Variants in GRIK1 observed in about 807,000 individuals in gnomAD.
GRIK1 encodes the protein glutamate receptor ionotropic, kainate 1.
A neutral mutation model predicts 105.7 loss-of-function variants in GRIK1; 69 were observed. That is an observed-to-expected ratio of 0.65 (90% CI 0.54 to 0.80). The LOEUF (loss-of-function observed/expected upper bound fraction) is 0.80. GRIK1 is among the 30% of genes least tolerant of loss of function. The pLI is 0.00. For synonymous variants in GRIK1, 438 were observed against 431.3 expected (o/e 1.02, Z -0.19); for missense variants, 1,109 against 1,167.3 (o/e 0.95, Z 0.73).
At chr21:29,669,850 TC>T (rs2063130906) in intron 4 of GRIK1, among the ~76,000 whole-genome samples, 2 of 152,022 alleles carry the variant, frequency 1.3e-5, no homozygotes, top group Non-Finnish European at 2.9e-5. Context: ...AACTCCTGAG[TC>T]CTCAGCCTCC....
intron 1 of GRIK1, among the ~76,000 whole-genome samples, chr21:29,869,788 A>T (rs1254620782): frequency 6.6e-6 from 1 of 152,192 alleles, no homozygotes; most frequent in Non-Finnish European, 1.5e-5. Flanking sequence ...AACAAACATT[A>T]AAAAATCTAT....
chr21:29,844,128 T>G (rs1260523831), intron 1 of GRIK1, among the ~76,000 whole-genome samples: 1 of 152,210 alleles, frequency 6.6e-6, no homozygotes, highest in African/African-American at 2.4e-5. Context: ...ATGTTTGCTG[T>G]AATAGATATC....
chr21:29,791,951 A>G (rs2066429950), intron 1 of GRIK1, among the ~76,000 whole-genome samples: 1 of 152,198 alleles, frequency 6.6e-6, no homozygotes, highest in Non-Finnish European at 1.5e-5. Flanking sequence ...AGGTGCAAAT[A>G]AGAATGTTTG....
At chr21:29,787,238 C>T (rs1219022054) in intron 1 of GRIK1, among the ~76,000 whole-genome samples, 2 of 152,176 alleles carry the variant, frequency 1.3e-5, no homozygotes, top group African/African-American at 4.8e-5. Flanking sequence ...TGTTAGAATG[C>T]CATGTCCTTT....
At chr21:29,726,011 G>A (rs2064448699) in intron 1 of GRIK1, among the ~76,000 whole-genome samples, 1 of 152,130 alleles carries the variant, frequency 6.6e-6, no homozygotes, top group Non-Finnish European at 1.5e-5. Flanking sequence ...TGGTTCAGGT[G>A]GAAAGACAGA....
At chr21:29,683,587 C>T (rs2063423317) in intron 3 of GRIK1, among the ~76,000 whole-genome samples, 1 of 152,084 alleles carries the variant, frequency 6.6e-6, no homozygotes, top group Non-Finnish European at 1.5e-5. Flanking sequence ...TACACGTGGA[C>T]ATAAAGATGG....
At chr21:29,704,661 C>G (rs193151615) in intron 1 of GRIK1, among the ~76,000 whole-genome samples, 2 of 152,158 alleles carry the variant, frequency 1.3e-5, no homozygotes, top group Non-Finnish European at 2.9e-5. Context: ...CTTTGAGATA[C>G]GTAGGAAAGA....
chr21:29,833,630 C>A (rs1157645897), intron 1 of GRIK1, among the ~76,000 whole-genome samples: 2 of 152,150 alleles, frequency 1.3e-5, no homozygotes, highest in South Asian at 2.1e-4. Context: ...CTCATGAGAA[C>A]TCACTCACTG....
intron 7 of GRIK1, among the ~76,000 whole-genome samples, chr21:29,603,348 A>G (rs2061553901): frequency 2.6e-5 from 4 of 152,014 alleles, no homozygotes. Context: ...ACATAAAAAG[A>G]AATACTTCTT....
intron 1 of GRIK1, among the ~76,000 whole-genome samples, chr21:29,883,271 G>A (rs572022542): frequency 6.6e-6 from 1 of 152,148 alleles, no homozygotes; most frequent in South Asian, 2.1e-4. Context: ...ATAAACTCTT[G>A]TGGTTCTATG....
At chr21:29,859,240 A>G (rs1040224177) in intron 1 of GRIK1, among the ~76,000 whole-genome samples, 1 of 151,920 alleles carries the variant, frequency 6.6e-6, no homozygotes, top group Non-Finnish European at 1.5e-5. Flanking sequence ...GAGGGATAGC[A>G]TTAGAAGATA....
chr21:29,847,981 C>T (rs2068177781), intron 1 of GRIK1, among the ~76,000 whole-genome samples: 1 of 151,946 alleles, frequency 6.6e-6, no homozygotes, highest in Non-Finnish European at 1.5e-5. Context: ...TTCACCATTG[C>T]TTTACTTAGC....
At chr21:29,709,571 A>G (rs74462150) in intron 1 of GRIK1, among the ~76,000 whole-genome samples, 1 of 151,748 alleles carries the variant, frequency 6.6e-6, no homozygotes, top group Non-Finnish European at 1.5e-5. Flanking sequence ...ATATCATTAA[A>G]CTTATAAATA....
intron 1 of GRIK1, among the ~76,000 whole-genome samples, chr21:29,833,409 T>C (rs183875547): frequency 2.6e-5 from 4 of 152,302 alleles, no homozygotes; most frequent in Non-Finnish European, 5.9e-5. Flanking sequence ...ATCTCATTGC[T>C]GTAAAGAACC....
Position 29,537,882 on chromosome 21 carries a change from T to C in GRIK1, c.2610A>G (p.Lys870=). 5 of 1,252,684 alleles carry C rather than the reference T, an allele frequency of 4.0e-6. No homozygotes were observed. The highest frequency in any genetic ancestry group is 5.7e-6 in the Non-Finnish European group (5 of 871,480). The allele number at this position is 1,252,684 out of a possible 1,614,324, so 77.6% of individuals were successfully genotyped here. A position where few individuals can be genotyped will look rare whatever the true frequency, so the allele number is the denominator to read the frequency against. ...KSRKNNDIEQ[K]GKSSRIRFYF... is the part of the protein sequence containing the mutation. ...AAAATCTAATTCTTGATGACTTTCCTTTCTGATAAAAAAAAAAGAAAAAAA... is the reference window on the plus strand; with the variant it reads ...AAAATCTAATTCTTGATGACTTTCCCTTCTGATAAAAAAAAAAGAAAAAAA... The change falls in exon 17 of 18, where the codon AAA becomes AAG. Residue 870 remains lysine, a splice_region_variant and synonymous_variant. Transcript: ENST00000327783.
chr21:29,922,609 C>T (rs1032857613), intron 1 of GRIK1, among the ~76,000 whole-genome samples: 1 of 152,008 alleles, frequency 6.6e-6, no homozygotes, highest in African/African-American at 2.4e-5. Flanking sequence ...TTTCATTTTT[C>T]TTTACTTTCA....
chr21:29,631,719 T>C (rs1009623523), intron 7 of GRIK1, among the ~76,000 whole-genome samples: 2 of 152,240 alleles, frequency 1.3e-5, no homozygotes, highest in South Asian at 2.1e-4. Flanking sequence ...TGCTCATTAA[T>C]AATTTGAATA....
chr21:29,757,071 C>T lies in GRIK1; in HGVS notation c.119-63008G>A, dbSNP rs537223015. Among the ~76,000 whole-genome samples the T allele has an allele frequency of 7.2e-5, 11 of 151,930 alleles. No homozygotes were observed. In the South Asian group the frequency reaches 1.5e-3, roughly 20 times the overall value. On this transcript the variant is annotated intron_variant, in intron 1 of 17. Coordinates refer to ENST00000327783, the MANE Select transcript of GRIK1 (RefSeq NM_001330994.2). The stretch of plus-strand genomic sequence containing the variant: ...GGCAGAGGTTGCAGTGAGCCAAGAT[C>T]GCACCATTGCACTCCAGCCTGGGCA...
At position 29,589,036 on chromosome 21, in the gene GRIK1, G is replaced by C; in HGVS notation, c.1372C>G (p.Pro458Ala). The C allele has an allele frequency of 6.4e-7, 1 of 1,568,838 alleles. No homozygotes were observed. The highest frequency in any genetic ancestry group is 1.1e-5 in the South Asian group (1 of 88,940). ...TLIVTTILEE[P>A]YVMYRKSDKP... ...TCAGATTTCCTGTACATAACATAGG[G>C]TTCTTCCTAAATGAAACAAACCAAA... Residue 458 changes from proline (P) to alanine (A), a missense_variant, in exon 11 of 18, where the codon CCC (proline) becomes GCC (alanine). By Grantham distance (27) the Pro-to-Ala change is conservative. Around this residue, in one of 5 missense-constraint regions of GRIK1, gnomAD observed 612 missense variants for 586.0 expected, o/e 1.04. Transcript: ENST00000327783.
Sources: allele counts gnomAD v4.1 joint callset (sites outside exome capture counted in the v4.1 genomes callset), GRCh38; gene constraint gnomAD v4.1.1; regional missense constraint gnomAD v4.1.1; transcripts MANE v1.5; gene names NCBI Gene and HGNC (gene_info 2026-07-23, HGNC 2026-07-21).